Variants in PAFAH1B2 observed in about 807,000 individuals in gnomAD.
PAFAH1B2 encodes platelet activating factor acetylhydrolase 1b catalytic subunit 2, also known as platelet-activating factor acetylhydrolase IB subunit alpha2.
In PAFAH1B2, 8 loss-of-function variants were observed where a neutral mutation model predicts 28.0. That is an observed-to-expected ratio of 0.29 (90% CI 0.17 to 0.52). The LOEUF (loss-of-function observed/expected upper bound fraction) is 0.52, where lower values mean the gene tolerates loss of function less well. Ranked by LOEUF, PAFAH1B2 falls within the 20% of genes least tolerant of loss-of-function variation. The pLI is 0.97. For missense variants in PAFAH1B2, 190 were observed against 282.6 expected, an observed-to-expected ratio of 0.67 and a Z score of 2.35; for synonymous variants, 104 against 103.2, an observed-to-expected ratio of 1.01 and a Z score of -0.05.
In PAFAH1B2 at chr11:117,169,687, A is replaced by G; in HGVS notation, c.*1988A>G. The G allele has an allele frequency of 1.9e-6, 2 of 1,056,744 alleles. No individual in the cohort carries two copies. The highest frequency in any genetic ancestry group is 2.3e-6 in the Non-Finnish European group (2 of 873,862). The allele number at this position is 1,056,744 out of a possible 1,614,324, so 65.5% of individuals were successfully genotyped here. ...GGTGTTTACTAAACTTGTTTACGAC[A>G]TTAAAAATTTCCTTTTTATTTTTAG... On this transcript the variant is annotated 3_prime_UTR_variant, in exon 6 of 6. Transcript: ENST00000527958.
intron 1 of PAFAH1B2, among the ~76,000 whole-genome samples, chr11:117,149,591 TA>T (rs1956100946): frequency 6.6e-6 from 1 of 150,644 alleles, no homozygotes; most frequent in Non-Finnish European, 1.5e-5. Context: ...CACGCCCAGC[TA>T]ATTTTTTTTT....
At chr11:117,166,671 G>C (rs1212888732) in intron 5 of PAFAH1B2, among the ~76,000 whole-genome samples, 3 of 152,116 alleles carry the variant, frequency 2.0e-5, no homozygotes, top group African/African-American at 7.2e-5. Flanking sequence ...AGTTATTCCA[G>C]GGTTATTCCA....
downstream of PAFAH1B2, chr11:117,175,133 T>C (rs895343825): frequency 1.2e-5 from 15 of 1,223,968 alleles, no homozygotes; most frequent in Non-Finnish European, 1.5e-5. Flanking sequence ...AAATAAGCCT[T>C]ATGGCCCCAC....
At chr11:117,159,291 G>A (rs2134194510) in intron 2 of PAFAH1B2, 1 of 152,248 alleles carries the variant, frequency 6.6e-6, no homozygotes, top group Middle Eastern at 3.4e-3. Flanking sequence ...TGAGAAGAAA[G>A]TTCAAACAGT....
downstream of PAFAH1B2, among the ~76,000 whole-genome samples, chr11:117,172,732 C>T (rs992982317): frequency 5.3e-5 from 8 of 152,126 alleles, no homozygotes; most frequent in Admixed American, 1.3e-4. Context: ...TGGAAACAGT[C>T]TCGCTTTGTT....
chr11:117,163,842 A>G lies in PAFAH1B2; in HGVS notation c.361A>G (p.Ile121Val), dbSNP rs1446578453. 2.5e-6 allele frequency: 4 copies of G among 1,614,062 alleles called. No homozygotes were observed. Among genetic ancestry groups the G allele is most frequent in the Admixed American group, 1.7e-5 (1 of 60,008 alleles). ...AGAAGTAGCAGGTGGGATCGAGGCC[A>G]TTGTACAACTTATCAACACAAGGCA... ...AEEVAGGIEA[I>V]VQLINTRQPQ... The change falls in exon 5 of 6, where the codon ATT becomes GTT. Residue 121 changes from isoleucine (I) to valine (V), a missense_variant. Ile to Val is a conservative substitution (Grantham distance 29). Coordinates refer to ENST00000527958, the MANE Select transcript of PAFAH1B2 (RefSeq NM_002572.4).
intron 5 of PAFAH1B2, among the ~76,000 whole-genome samples, chr11:117,165,713 A>G (rs1269292382): frequency 1.3e-5 from 2 of 152,220 alleles, no homozygotes; most frequent in Non-Finnish European, 2.9e-5. Context: ...TATTATAGAA[A>G]AATAAAGAGA....
intron 2 of PAFAH1B2, among the ~76,000 whole-genome samples, chr11:117,159,109 A>G (rs1260523792): frequency 6.6e-6 from 1 of 152,240 alleles, no homozygotes; most frequent in Non-Finnish European, 1.5e-5. Context: ...CAAGAGGCAG[A>G]TGTATATGTG....
intron 1 of PAFAH1B2, among the ~76,000 whole-genome samples, chr11:117,147,996 A>G (rs1210858542): frequency 6.6e-6 from 1 of 152,042 alleles, no homozygotes; most frequent in East Asian, 1.9e-4. Flanking sequence ...GGTAGTAGAA[A>G]GTATAAGTGA....
At position 117,170,905 on chromosome 11, in the gene PAFAH1B2, C is replaced by G. The variant is rs1956636962; in HGVS notation, c.*3206C>G. 1.9e-6 allele frequency: 2 copies of G among 1,059,738 alleles called. No homozygotes were observed. The highest frequency in any genetic ancestry group is 1.6e-5 in the African/African-American group (1 of 60,728). 65.6% of individuals were successfully genotyped at this position (1,059,738 alleles called of 1,614,324 possible). Reference sequence around the variant, plus strand: ...GGGGTCCCCCAGGTTTCTTGGTGTTCCTGCTTGGGGATCACTGCTGCTAGC... The same window carrying G: ...GGGGTCCCCCAGGTTTCTTGGTGTTGCTGCTTGGGGATCACTGCTGCTAGC... On this transcript the variant is annotated 3_prime_UTR_variant, in exon 6 of 6. Coordinates refer to ENST00000527958, the MANE Select transcript of PAFAH1B2 (RefSeq NM_002572.4).
At chr11:117,159,778 A>G (rs534938579) in intron 2 of PAFAH1B2, 156 bp from the exon 3 acceptor site, 179 of 545,782 alleles carry the variant, frequency 3.3e-4, no homozygotes, top group African/African-American at 3.2e-3. Context: ...TTTTGTAGAG[A>G]TGGGATCTTG....
At chr11:117,154,253 T>G (rs1464520762) in intron 2 of PAFAH1B2, among the ~76,000 whole-genome samples, 1 of 151,932 alleles carries the variant, frequency 6.6e-6, no homozygotes, top group Non-Finnish European at 1.5e-5. Context: ...TTTGGGAAGC[T>G]GAGGCAGGTG....
At chr11:117,173,628 C>T (rs1245713046), downstream of PAFAH1B2, among the ~76,000 whole-genome samples, 1 of 152,252 alleles carries the variant, frequency 6.6e-6, no homozygotes, top group African/African-American at 2.4e-5. Flanking sequence ...CTCCCAGTGA[C>T]TGTAGAACTT....
At position 117,167,444 on chromosome 11, in the gene PAFAH1B2, AC is replaced by A; in HGVS notation, c.438del (p.Asn147IlefsTer3). On this transcript the variant is annotated frameshift_variant, in exon 6 of 6. Transcript: ENST00000527958. LOFTEE classifies it high-confidence loss of function. ...AGGGTTTGTTACCTCGAGGTGAGAAACCCAATCCTTTGAGGCAAAAGAACGC... is the reference window on the plus strand; with the variant it reads ...AGGGTTTGTTACCTCGAGGTGAGAAACCAATCCTTTGAGGCAAAAGAACGC... ...VLGLLPRGEKPNPLRQKNAKV... is the reference protein window; with the variant it reads ...VLGLLPRGEKXNPLRQKNAKV... 1 of 1,594,608 alleles carries A rather than the reference AC, an allele frequency of 6.3e-7. No homozygotes were observed. The highest frequency in any genetic ancestry group is 8.6e-7 in the Non-Finnish European group (1 of 1,165,864).
exon 6 of PAFAH1B2, chr11:117,176,236 G>T: frequency 2.3e-6 from 1 of 443,468 alleles, no homozygotes; most frequent in Non-Finnish European, 4.0e-6. Context: ...TGAACCCTTT[G>T]GAAAAGGGGT....
At chr11:117,148,345 T>C (rs2134165866) in intron 1 of PAFAH1B2, among the ~76,000 whole-genome samples, 1 of 152,206 alleles carries the variant, frequency 6.6e-6, no homozygotes, top group East Asian at 1.9e-4. Flanking sequence ...TGAGCCACCA[T>C]GCCCGGCCTC....
At chr11:117,171,620 A>G, downstream of PAFAH1B2, 1 of 1,140,662 alleles carries the variant, frequency 8.8e-7, no homozygotes, top group South Asian at 1.3e-5. Context: ...TTACGTCCCC[A>G]GGGTAAAGCA....
downstream of PAFAH1B2, among the ~76,000 whole-genome samples, chr11:117,177,200 C>T (rs1024629318): frequency 2.0e-5 from 3 of 152,098 alleles, no homozygotes; most frequent in Non-Finnish European, 4.4e-5. Context: ...CAGAGCGAGA[C>T]CCTGTCTCCA....
At chr11:117,171,583 C>T, downstream of PAFAH1B2, 1 of 788,006 alleles carries the variant, frequency 1.3e-6, no homozygotes, top group Admixed American at 2.1e-5. Context: ...AGGACATGAA[C>T]CTTGAGCACG....
Sources: gnomAD v4.1 joint callset for allele counts (sites outside exome capture counted in the v4.1 genomes callset) on GRCh38, gnomAD v4.1.1 for gene constraint, MANE v1.5 for transcripts, NCBI Gene and HGNC (gene_info 2026-07-23, HGNC 2026-07-21) for gene names.